The following EIF4G3 variants were observed in gnomAD, a reference collection of about 807,000 sequenced individuals.
EIF4G3 encodes eIF-4-gamma 3.
In EIF4G3, 34 loss-of-function variants were observed where a neutral mutation model predicts 186.4. That is an observed-to-expected ratio of 0.18 (90% CI 0.14 to 0.24). The LOEUF is 0.24. EIF4G3 is among the 10% of genes least tolerant of loss of function. The probability of loss-of-function intolerance (pLI) is 1.00; values close to 1 mark genes in which losing one functional copy is unlikely to be tolerated. For synonymous variants in EIF4G3, 673 were observed against 679.5 expected, an observed-to-expected ratio of 0.99 and a Z score of 0.15; for missense variants, 1,536 against 1,948.5, an observed-to-expected ratio of 0.79 and a Z score of 3.99.
chr1:20,877,989 G>A (rs145619409), intron 20 of EIF4G3, among the ~76,000 whole-genome samples: 3,663 of 152,040 alleles, frequency 0.024, 79 homozygotes, highest in Non-Finnish European at 0.033. Flanking sequence ...GATTACAGGC[G>A]CACGCTACCA....
chr1:21,027,326 G>A (rs2092265763), intron 4 of EIF4G3, among the ~76,000 whole-genome samples: 1 of 151,050 alleles, frequency 6.6e-6, no homozygotes, highest in African/African-American at 2.4e-5. Context: ...CCAAGTAGCT[G>A]AGACTACAGG....
intron 2 of EIF4G3, among the ~76,000 whole-genome samples, chr1:21,118,476 T>C (rs1023691165): frequency 1.3e-5 from 2 of 152,162 alleles, no homozygotes; most frequent in Non-Finnish European, 2.9e-5. Context: ...GCTCATTCTC[T>C]AGTATTAAGA....
chr1:20,954,619 C>T (rs946791734), intron 12 of EIF4G3, among the ~76,000 whole-genome samples: 9 of 147,994 alleles, frequency 6.1e-5, no homozygotes, highest in African/African-American at 2.2e-4. Flanking sequence ...ATGCTTCTTT[C>T]TTACGTAGGA....
At chr1:21,139,363 G>A (rs7550405) in intron 2 of EIF4G3, among the ~76,000 whole-genome samples, 1 of 152,104 alleles carries the variant, frequency 6.6e-6, no homozygotes, top group Admixed American at 6.5e-5. Flanking sequence ...GCTGAGGCAG[G>A]AGAATCGCTT....
intron 3 of EIF4G3, among the ~76,000 whole-genome samples, chr1:21,085,170 A>G (rs2095921181): frequency 6.6e-6 from 1 of 151,892 alleles, no homozygotes; most frequent in South Asian, 2.1e-4. Context: ...AAAAATGGTT[A>G]TAGTATTTGC....
chr1:21,073,447 A>C (rs2095500081), intron 3 of EIF4G3, among the ~76,000 whole-genome samples: 1 of 152,222 alleles, frequency 6.6e-6, no homozygotes, highest in Non-Finnish European at 1.5e-5. Context: ...GCCACCAATC[A>C]TCAGGAGGCT....
chr1:20,912,290 T>A (rs922671276), intron 14 of EIF4G3, among the ~76,000 whole-genome samples: 2 of 152,162 alleles, frequency 1.3e-5, no homozygotes, highest in Non-Finnish European at 2.9e-5. Context: ...ATAAAATTTT[T>A]AAAAAATTAA....
At chr1:21,174,012 A>G (rs1048328692) in intron 2 of EIF4G3, among the ~76,000 whole-genome samples, 8 of 152,220 alleles carry the variant, frequency 5.3e-5, no homozygotes, top group African/African-American at 1.9e-4. Flanking sequence ...TACTGTTTAT[A>G]TAATAAAATT....
At chr1:20,977,350 C>T (rs544723553) in intron 10 of EIF4G3, among the ~76,000 whole-genome samples, 10 of 152,190 alleles carry the variant, frequency 6.6e-5, no homozygotes, top group African/African-American at 2.4e-4. Flanking sequence ...CCACACCCTG[C>T]TAATTTTTGT....
At chr1:21,066,039 T>C (rs2095223673) in intron 3 of EIF4G3, among the ~76,000 whole-genome samples, 1 of 151,940 alleles carries the variant, frequency 6.6e-6, no homozygotes, top group Non-Finnish European at 1.5e-5. Flanking sequence ...TAGCCAGAGG[T>C]TGTGGCTACT....
chr1:21,037,147 G>T (rs1476916747), intron 4 of EIF4G3, among the ~76,000 whole-genome samples: 2 of 151,712 alleles, frequency 1.3e-5, no homozygotes, highest in Non-Finnish European at 2.9e-5. Flanking sequence ...TCTAAGGGTG[G>T]CTTAGAGTAT....
In EIF4G3 at chr1:20,836,675, A is replaced by G. The variant is rs1020310073; in HGVS notation, c.4061+4181T>C. 1.4e-4 allele frequency among the ~76,000 whole-genome samples: 22 copies of G among 152,212 alleles called. 1 individual carries two copies. Among genetic ancestry groups the G allele is most frequent in the South Asian group, 4.1e-4 (2 of 4,830 alleles). On this transcript the variant is annotated intron_variant, in intron 30 of 36. Coordinates refer to ENST00000602326, the MANE Select transcript of EIF4G3 (RefSeq NM_001391906.1). ...CCCAAAGTGAAATATTAATGTATCA[A>G]TCTTCCTCTAGGGTACATATTTTGT...
chr1:21,025,907 C>A (rs1355503106), intron 4 of EIF4G3, among the ~76,000 whole-genome samples: 1 of 152,038 alleles, frequency 6.6e-6, no homozygotes, highest in Admixed American at 6.6e-5. Context: ...ACCTAAAAAC[C>A]CAATAACAAA....
At chr1:20,893,283 T>C (rs2086758294) in intron 18 of EIF4G3, 3 of 345,956 alleles carry the variant, frequency 8.7e-6, no homozygotes, top group South Asian at 1.0e-4. Flanking sequence ...ATTGAAAAAA[T>C]AGGGAAAAAA....
intron 4 of EIF4G3, among the ~76,000 whole-genome samples, chr1:21,033,562 T>C (rs548276297): frequency 1.6e-4 from 24 of 152,312 alleles, no homozygotes; most frequent in African/African-American, 3.1e-4. Context: ...ATTGAACAAA[T>C]GGCAGGACTT....
chr1:20,814,751 C>CCCACT (rs1491481472), intron 34 of EIF4G3, among the ~76,000 whole-genome samples: 1 of 10,656 alleles, frequency 9.4e-5, no homozygotes, highest in African/African-American at 5.9e-4. Context: ...AAATTCATCT[C>CCCACT]CCCCTCCCCC....
chr1:21,144,376 T>A (rs1182632376), intron 2 of EIF4G3, among the ~76,000 whole-genome samples: 4 of 152,132 alleles, frequency 2.6e-5, no homozygotes, highest in Non-Finnish European at 5.9e-5. Context: ...ACCTCAGCTC[T>A]TTGAGCAGCT....
At chr1:21,012,195 T>C (rs1241114043) in intron 4 of EIF4G3, among the ~76,000 whole-genome samples, 1 of 152,182 alleles carries the variant, frequency 6.6e-6, no homozygotes, top group African/African-American at 2.4e-5. Flanking sequence ...AACATTCTCA[T>C]TCCTAAGGGT....
At chr1:20,822,192 T>A (rs1411580483) in intron 33 of EIF4G3, among the ~76,000 whole-genome samples, 2 of 152,156 alleles carry the variant, frequency 1.3e-5, no homozygotes, top group Non-Finnish European at 2.9e-5. Flanking sequence ...TTTATTGACA[T>A]AAAGATTATT....
Sources: allele counts gnomAD v4.1 joint callset (sites outside exome capture counted in the v4.1 genomes callset), GRCh38; gene constraint gnomAD v4.1.1; transcripts MANE v1.5; gene names NCBI Gene and HGNC (gene_info 2026-07-23, HGNC 2026-07-21).